The following STAT4 variants were observed in gnomAD, a reference collection of about 807,000 sequenced individuals.
STAT4 encodes the protein signal transducer and activator of transcription 4.
A neutral mutation model predicts 110.5 loss-of-function variants in STAT4; 42 were observed. That is an observed-to-expected ratio of 0.38 (90% CI 0.30 to 0.49). The LOEUF (loss-of-function observed/expected upper bound fraction) is 0.49. STAT4 is among the 20% of genes least tolerant of loss of function. STAT4 has a pLI of 0.95. For synonymous variants in STAT4, 284 were observed against 302.2 expected (o/e 0.94, Z 0.63); for missense variants, 632 against 887.9 (o/e 0.71, Z 3.66).
At chr2:191,141,147 A>G (rs76742996) in intron 3 of STAT4, among the ~76,000 whole-genome samples, 277 of 152,164 alleles carry the variant, frequency 1.8e-3, no homozygotes, top group African/African-American at 6.4e-3. Context: ...TACACTGCTC[A>G]GGTGACAGGT....
chr2:191,107,056 C>A lies in STAT4; in HGVS notation c.274-30731G>T, dbSNP rs1395044758. On this transcript the variant is annotated intron_variant, in intron 3 of 23. Coordinates refer to ENST00000392320, the MANE Select transcript of STAT4 (RefSeq NM_003151.4). This position sits in a 1 kb window ranked among gnomAD's most constrained non-coding sequence, Gnocchi z 4.2. ...TAGACACATGTATGAAATTCAAGTA[C>A]TCTACACATTAATGTCAGCAGTAGA... 6.6e-6 allele frequency among the ~76,000 whole-genome samples: 1 copy of A among 152,156 alleles called. No homozygotes were observed. Among genetic ancestry groups the A allele is most frequent in the Admixed American group, 6.5e-5 (1 of 15,276 alleles).
intron 5 of STAT4, among the ~76,000 whole-genome samples, chr2:191,070,242 C>A (rs1697107095): frequency 1.3e-5 from 2 of 152,150 alleles, no homozygotes; most frequent in African/African-American, 4.8e-5. Flanking sequence ...TATGCCTATG[C>A]TTCTTCTGTG....
In STAT4 at chr2:191,140,061, TG is replaced by T. The variant is rs1302118615; in HGVS notation, c.273+6551del. Among the ~76,000 whole-genome samples the T allele has an allele frequency of 6.6e-6, 1 of 152,134 alleles. No individual in the cohort carries two copies. The highest frequency in any genetic ancestry group is 1.9e-4 in the East Asian group (1 of 5,196). On this transcript the variant is annotated intron_variant, in intron 3 of 23. Coordinates refer to ENST00000392320, the MANE Select transcript of STAT4 (RefSeq NM_003151.4). The surrounding 1 kb of genome is among the most constrained non-coding windows in gnomAD (Gnocchi z 4.4). Reference sequence around the variant, plus strand: ...AACTGGCAAGCCACATGTAGAAGAATGAAACTGATTTCTCAGCCTATACAAA... The same window carrying T: ...AACTGGCAAGCCACATGTAGAAGAATAAACTGATTTCTCAGCCTATACAAA...
Position 191,058,610 on chromosome 2 carries a change from T to C in STAT4, c.1094+100A>G. 1 of 740,202 alleles carries C rather than the reference T, an allele frequency of 1.4e-6. No homozygotes were observed. The highest frequency in any genetic ancestry group is 1.8e-5 in the African/African-American group (1 of 55,056). 45.9% of individuals were successfully genotyped at this position (740,202 alleles called of 1,614,324 possible). On this transcript the variant is annotated intron_variant, in intron 11 of 23. Transcript: ENST00000392320. The surrounding 1 kb of genome is among the most constrained non-coding windows in gnomAD (Gnocchi z 4.3). ...CATTCATTATATAATGTTAGATAAG[T>C]AAATTTAAAAGTTCAAAATTATTCT...
intron 3 of STAT4, among the ~76,000 whole-genome samples, chr2:191,084,204 G>A (rs1286239695): frequency 4.6e-5 from 7 of 152,014 alleles, no homozygotes; most frequent in Non-Finnish European, 1.0e-4. Context: ...AGAGGTTGCA[G>A]TGAGCCGAGA....
chr2:191,119,103 T>C (rs1439806782), intron 3 of STAT4, among the ~76,000 whole-genome samples: 1 of 152,150 alleles, frequency 6.6e-6, no homozygotes, highest in Non-Finnish European at 1.5e-5. Context: ...TTAAGACCTA[T>C]GGTTCTGACA....
At position 191,150,757 on chromosome 2, in the gene STAT4, G is replaced by A. The variant is rs892507010; in HGVS notation, c.-2+190C>T. 1.1e-4 allele frequency among the ~76,000 whole-genome samples: 17 copies of A among 152,324 alleles called. 1 individual carries two copies. The highest frequency in any genetic ancestry group is 1.1e-3 in the Admixed American group (17 of 15,306). On this transcript the variant is annotated intron_variant, in intron 1 of 23. Coordinates refer to ENST00000392320, the MANE Select transcript of STAT4 (RefSeq NM_003151.4). The surrounding 1 kb of genome is among the most constrained non-coding windows in gnomAD (Gnocchi z 6.4). ...CGCGGGCCTGCGGAGCGGTTTCCGC[G>A]GAGAACCCGTGCCAGGGCGCATCTG...
intron 3 of STAT4, among the ~76,000 whole-genome samples, chr2:191,133,178 A>G (rs1699090207): frequency 6.6e-6 from 1 of 150,894 alleles, no homozygotes; most frequent in African/African-American, 2.4e-5. Flanking sequence ...ATAAAATTTT[A>G]TTTTAAAATA....
intron 3 of STAT4, among the ~76,000 whole-genome samples, chr2:191,094,232 C>A (rs1000553483): frequency 1.3e-5 from 2 of 152,146 alleles, no homozygotes; most frequent in Non-Finnish European, 2.9e-5. Flanking sequence ...TCAGGAAATA[C>A]AGAGAACGCC....
intron 14 of STAT4, among the ~76,000 whole-genome samples, chr2:191,047,759 G>A (rs766501147): frequency 2.6e-5 from 4 of 152,118 alleles, no homozygotes; most frequent in South Asian, 4.1e-4. Context: ...TCCACCTCCC[G>A]GGTTCAAGCG....
rs1696352222 is a variant in STAT4, at chr2:191,046,340, C to CA, written c.1252-5193dup. Among the ~76,000 whole-genome samples the CA allele has an allele frequency of 6.6e-6, 1 of 152,202 alleles. No homozygotes were observed. The highest frequency in any genetic ancestry group is 2.1e-4 in the South Asian group (1 of 4,830). On this transcript the variant is annotated intron_variant, in intron 14 of 23. Coordinates refer to ENST00000392320, the MANE Select transcript of STAT4 (RefSeq NM_003151.4). This position sits in a 1 kb window ranked among gnomAD's most constrained non-coding sequence, Gnocchi z 4.6. The stretch of plus-strand genomic sequence containing the variant: ...TTGAAGTCTTACTGGAACATGGTGG[C>CA]ATGGGTAAAGATAGCACAGCCATCT...
rs867148721 is a variant in STAT4, at chr2:191,031,789, A to G, written c.2045-273T>C. Among the ~76,000 whole-genome samples, 29 of 151,818 alleles carry G rather than the reference A, an allele frequency of 1.9e-4. No individual in the cohort carries two copies. Among genetic ancestry groups the G allele is most frequent in the Admixed American group, 5.2e-4 (8 of 15,240 alleles). On this transcript the variant is annotated intron_variant, in intron 21 of 23. Transcript: ENST00000392320. This position sits in a 1 kb window ranked among gnomAD's most constrained non-coding sequence, Gnocchi z 4.8. ...ACTGTGTGGGAAAAATTGAGAATCA[A>G]CTCTATTACCTGTTTTCTACGTTTC...
Position 191,076,241 on chromosome 2 carries a change from T to C in STAT4, c.358A>G (p.Asn120Asp), listed in dbSNP as rs763055396. 9 of 1,613,646 alleles carry C rather than the reference T, an allele frequency of 5.6e-6. No individual in the cohort carries two copies. The highest frequency in any genetic ancestry group is 7.6e-6 in the Non-Finnish European group (9 of 1,179,768). ...GAAAATATTACCTGGACAGGCATGT[T>C]GGCTGCAGCCAATATTCTCCTCTCT... ...REERRILAAA[N>D]MPVQGPLEKS... is the part of the protein sequence containing the mutation. The change falls in exon 4 of 24, where the codon AAC (asparagine) becomes GAC (aspartate). Residue 120 changes from asparagine (N) to aspartate (D), a missense_variant. Transcript: ENST00000392320.
At chr2:191,136,015 A>C (rs538945599) in intron 3 of STAT4, among the ~76,000 whole-genome samples, 3,320 of 128,126 alleles carry the variant, frequency 0.026, 149 homozygotes, top group African/African-American at 0.074. Context: ...GAAAAAAAAA[A>C]AAAAAAACCA....
rs190689384 is a variant in STAT4, at chr2:191,055,465, C to T, written c.1207-931G>A. 8.2e-4 allele frequency among the ~76,000 whole-genome samples: 124 copies of T among 151,046 alleles called. 3 individuals are homozygous for T. The East Asian group carries it at 0.015, about 19-fold the overall frequency. On this transcript the variant is annotated intron_variant, in intron 13 of 23. Coordinates refer to ENST00000392320, the MANE Select transcript of STAT4 (RefSeq NM_003151.4). ...CGATCTCCTGACTTCGTGATCCACC[C>T]GCCTCGGCCTCCCAAAGTGCTGGGA...
At chr2:191,094,917 CAAAAAAA>C (rs1165913847) in intron 3 of STAT4, among the ~76,000 whole-genome samples, 3 of 77,920 alleles carry the variant, frequency 3.9e-5, no homozygotes, top group African/African-American at 1.8e-4. Context: ...AAATGGAAAG[CAAAAAAA>C]AAAAAAAAAA....
intron 3 of STAT4, among the ~76,000 whole-genome samples, chr2:191,100,509 T>A (rs1001164281): frequency 6.8e-4 from 104 of 152,166 alleles, no homozygotes; most frequent in African/African-American, 2.1e-3. Context: ...AAATGACCTT[T>A]TCTTTCAGGG....
rs1699381745 is a variant in STAT4 at position 191,143,281 on chromosome 2, A to T, written c.273+3332T>A. ...CTTGCTGCAGGTTTTAGAATCAATT[A>T]TCTCCATACTCCTAACATTTCTGTG... On this transcript the variant is annotated intron_variant, in intron 3 of 23. Coordinates refer to ENST00000392320, the MANE Select transcript of STAT4 (RefSeq NM_003151.4). The surrounding 1 kb of genome is among the most constrained non-coding windows in gnomAD (Gnocchi z 5.6). 6.6e-6 allele frequency among the ~76,000 whole-genome samples: 1 copy of T among 152,224 alleles called. No homozygotes were observed. The highest frequency in any genetic ancestry group is 1.5e-5 in the Non-Finnish European group (1 of 68,036).
chr2:191,075,004 A>G (rs1289760912), intron 4 of STAT4, among the ~76,000 whole-genome samples: 2 of 152,126 alleles, frequency 1.3e-5, no homozygotes, highest in African/African-American at 4.8e-5. Flanking sequence ...TACTAAAAAT[A>G]CAAAACTTAG....
Sources: allele counts gnomAD v4.1 joint callset (sites outside exome capture counted in the v4.1 genomes callset), GRCh38; gene constraint gnomAD v4.1.1; non-coding constraint Gnocchi (gnomAD v3.1); transcripts MANE v1.5; gene names NCBI Gene and HGNC (gene_info 2026-07-23, HGNC 2026-07-21).